The following RAB38 variants were observed in gnomAD, a reference collection of about 807,000 sequenced individuals.
RAB38 encodes ras-related protein Rab-38.
A neutral mutation model predicts 18.4 loss-of-function variants in RAB38; 15 were observed. The ratio of observed to expected loss-of-function variants is 0.82; its 90% CI spans 0.55 to 1.26. The LOEUF is 1.26. RAB38 is among the 50% of genes most tolerant of loss of function. The pLI is 0.00. For synonymous variants in RAB38, 101 were observed against 104.4 expected (o/e 0.97, Z 0.20); for missense variants, 294 against 267.4 (o/e 1.10, Z -0.69).
the RAB38 span, among the ~76,000 whole-genome samples, chr11:87,952,564 T>G: frequency 6.6e-6 from 1 of 152,224 alleles, no homozygotes; most frequent in African/African-American, 2.4e-5. Flanking sequence ...CTAAAGCTGT[T>G]GGTCCAAGAG....
At chr11:88,107,612 A>G in the RAB38 span, among the ~76,000 whole-genome samples, 3 of 150,958 alleles carry the variant, frequency 2.0e-5, no homozygotes, top group African/African-American at 4.9e-5. Flanking sequence ...TTGTGTCTCT[A>G]TCTCCTTCGG....
At chr11:87,916,341 G>A in the RAB38 span, among the ~76,000 whole-genome samples, 4 of 152,086 alleles carry the variant, frequency 2.6e-5, no homozygotes, top group Non-Finnish European at 5.9e-5. Context: ...TGAATCATGG[G>A]GGCAGATACT....
chr11:88,128,909 T>C (rs1174488239), intron 2 of RAB38, among the ~76,000 whole-genome samples: 1 of 152,152 alleles, frequency 6.6e-6, no homozygotes, highest in Non-Finnish European at 1.5e-5. Flanking sequence ...TGGGACAACT[T>C]GCAGCAGGAG....
chr11:88,048,422 C>T, the RAB38 span, among the ~76,000 whole-genome samples: 2 of 152,158 alleles, frequency 1.3e-5, no homozygotes, highest in Non-Finnish European at 2.9e-5. Context: ...TTACCATCCT[C>T]AATCTTCAGG....
the RAB38 span, among the ~76,000 whole-genome samples, chr11:88,029,541 C>T: frequency 1.3e-4 from 20 of 151,986 alleles, no homozygotes; most frequent in Admixed American, 1.2e-3. Flanking sequence ...GAAGATCTAC[C>T]AAGCAAATGG....
chr11:87,866,837 T>C, the RAB38 span, among the ~76,000 whole-genome samples: 1 of 151,702 alleles, frequency 6.6e-6, no homozygotes, highest in Non-Finnish European at 1.5e-5. Flanking sequence ...CAACTGAACA[T>C]AGAGAGTCAG....
chr11:87,855,588 T>C, the RAB38 span, among the ~76,000 whole-genome samples: 1 of 152,150 alleles, frequency 6.6e-6, no homozygotes, highest in Non-Finnish European at 1.5e-5. Flanking sequence ...CAGTGAAGTA[T>C]AAAATCTAAA....
the RAB38 span, among the ~76,000 whole-genome samples, chr11:87,824,549 A>T: frequency 1.3e-5 from 2 of 152,204 alleles, no homozygotes; most frequent in Admixed American, 1.3e-4. Flanking sequence ...CGGAGACAGA[A>T]GGAAGCTATC....
the RAB38 span, among the ~76,000 whole-genome samples, chr11:87,895,439 G>A: frequency 6.6e-6 from 1 of 151,622 alleles, no homozygotes; most frequent in Non-Finnish European, 1.5e-5. Flanking sequence ...GCTTTGGAGA[G>A]CAAGAGAAGA....
At chr11:88,032,031 G>T in the RAB38 span, among the ~76,000 whole-genome samples, 1 of 150,606 alleles carries the variant, frequency 6.6e-6, no homozygotes, top group Non-Finnish European at 1.5e-5. Flanking sequence ...CCAAAACAGA[G>T]ATATAGATCA....
the RAB38 span, among the ~76,000 whole-genome samples, chr11:87,888,740 C>A: frequency 6.6e-6 from 1 of 151,996 alleles, no homozygotes; most frequent in East Asian, 2.0e-4. Context: ...GAGCAATAAG[C>A]TGTGGTTTAC....
chr11:87,809,177 G>A, the RAB38 span, among the ~76,000 whole-genome samples: 3 of 152,136 alleles, frequency 2.0e-5, no homozygotes, highest in African/African-American at 7.2e-5. Flanking sequence ...AACATTGCCA[G>A]CTTGGATAAA....
At chr11:87,901,710 G>A in the RAB38 span, among the ~76,000 whole-genome samples, 2 of 151,524 alleles carry the variant, frequency 1.3e-5, no homozygotes, top group Non-Finnish European at 3.0e-5. Flanking sequence ...CCAGAATAAT[G>A]CAATCACCGG....
chr11:88,062,839 T>C, the RAB38 span, among the ~76,000 whole-genome samples: 4 of 152,344 alleles, frequency 2.6e-5, no homozygotes, highest in East Asian at 7.7e-4. Context: ...TCTACAGTAA[T>C]GTAAGAACTA....
At chr11:88,012,139 T>A in the RAB38 span, among the ~76,000 whole-genome samples, 1 of 152,124 alleles carries the variant, frequency 6.6e-6, no homozygotes. Flanking sequence ...AGATTTTCAA[T>A]CTGGTCACCA....
chr11:87,918,940 A>T, the RAB38 span, among the ~76,000 whole-genome samples: 2,451 of 151,772 alleles, frequency 0.016, 29 homozygotes, highest in Non-Finnish European at 0.025. Flanking sequence ...AAAAAAAAAA[A>T]ACATCATTGC....
chr11:88,011,768 G>A, the RAB38 span, among the ~76,000 whole-genome samples: 1 of 152,136 alleles, frequency 6.6e-6, no homozygotes, highest in Non-Finnish European at 1.5e-5. Flanking sequence ...CCACAGGGTA[G>A]AAAATTAAGG....
At chr11:87,862,790 A>C in the RAB38 span, among the ~76,000 whole-genome samples, 1 of 151,890 alleles carries the variant, frequency 6.6e-6, no homozygotes. Context: ...TTTTTAAAAA[A>C]GATAGACTAA....
the RAB38 span, among the ~76,000 whole-genome samples, chr11:87,952,724 G>C: frequency 6.6e-6 from 1 of 152,208 alleles, no homozygotes; most frequent in Non-Finnish European, 1.5e-5. Flanking sequence ...GGATTGGAGA[G>C]TTCAGGAAAT....
Sources: gnomAD v4.1 joint callset for allele counts (sites outside exome capture counted in the v4.1 genomes callset) on GRCh38, gnomAD v4.1.1 for gene constraint, MANE v1.5 for transcripts, NCBI Gene and HGNC (gene_info 2026-07-23, HGNC 2026-07-21) for gene names.